The following KCNQ5 variants were observed in gnomAD, a reference collection of about 807,000 sequenced individuals.
The protein encoded by KCNQ5 is potassium voltage-gated channel subfamily KQT member 5.
A neutral mutation model predicts 98.2 loss-of-function variants in KCNQ5; 30 were observed. That is an observed-to-expected ratio of 0.31 (90% CI 0.23 to 0.41). The LOEUF (loss-of-function observed/expected upper bound fraction) is 0.41, where lower values mean the gene tolerates loss of function less well. KCNQ5 is among the 10% of genes least tolerant of loss of function. The pLI is 1.00. For missense variants in KCNQ5, 835 were observed against 1,182.5 expected, an observed-to-expected ratio of 0.71 and a Z score of 4.31; for synonymous variants, 458 against 449.4, an observed-to-expected ratio of 1.02 and a Z score of -0.24.
At chr6:72,796,717 A>T (rs1167824610) in intron 1 of KCNQ5, among the ~76,000 whole-genome samples, 1 of 152,250 alleles carries the variant, frequency 6.6e-6, no homozygotes, top group Non-Finnish European at 1.5e-5. Flanking sequence ...AATGATAGGA[A>T]TCTTTGCTGA....
intron 1 of KCNQ5, among the ~76,000 whole-genome samples, chr6:72,865,455 C>T (rs1047984192): frequency 6.6e-6 from 1 of 152,114 alleles, no homozygotes; most frequent in African/African-American, 2.4e-5. Flanking sequence ...AATATCGAAC[C>T]TATCTCAGGT....
chr6:72,864,573 A>G (rs1298395497), intron 1 of KCNQ5, among the ~76,000 whole-genome samples: 1 of 152,184 alleles, frequency 6.6e-6, no homozygotes, highest in African/African-American at 2.4e-5. Context: ...AAATGTTAGC[A>G]GTAGCCAAAG....
chr6:72,757,209 C>A (rs546363551), intron 1 of KCNQ5, among the ~76,000 whole-genome samples: 1 of 152,114 alleles, frequency 6.6e-6, no homozygotes, highest in South Asian at 2.1e-4. Flanking sequence ...ATATGTTAGA[C>A]CTTTAAGAAA....
chr6:72,720,945 T>A (rs1769923420), intron 1 of KCNQ5, among the ~76,000 whole-genome samples: 1 of 152,242 alleles, frequency 6.6e-6, no homozygotes, highest in Non-Finnish European at 1.5e-5. Context: ...TTTTGAGTAG[T>A]TAGTCTCCTG....
At chr6:72,921,678 C>A (rs145089433) in intron 1 of KCNQ5, among the ~76,000 whole-genome samples, 1 of 152,238 alleles carries the variant, frequency 6.6e-6, no homozygotes, top group African/African-American at 2.4e-5. Flanking sequence ...TCAGCTAAAC[C>A]ATTTTAAGTT....
intron 1 of KCNQ5, among the ~76,000 whole-genome samples, chr6:72,913,679 CA>C (rs1181704200): frequency 6.6e-6 from 1 of 152,166 alleles, no homozygotes; most frequent in South Asian, 2.1e-4. Flanking sequence ...ACATTTTAAA[CA>C]GTGTAGGGGA....
At chr6:72,767,037 G>A (rs991454901) in intron 1 of KCNQ5, among the ~76,000 whole-genome samples, 1 of 151,902 alleles carries the variant, frequency 6.6e-6, no homozygotes, top group African/African-American at 2.4e-5. Context: ...CTTGCTGATG[G>A]GTCAGGGTAA....
chr6:72,911,556 C>A (rs561534314), intron 1 of KCNQ5, among the ~76,000 whole-genome samples: 1 of 152,134 alleles, frequency 6.6e-6, no homozygotes, highest in East Asian at 1.9e-4. Context: ...TGGGAAGGGG[C>A]TGAGTAGTAA....
At chr6:73,104,837 A>T (rs928437070) in intron 5 of KCNQ5, among the ~76,000 whole-genome samples, 2 of 152,208 alleles carry the variant, frequency 1.3e-5, no homozygotes, top group South Asian at 4.1e-4. Context: ...TTGTTCCACT[A>T]CAAATCTTAA....
chr6:72,988,777 G>A (rs1207345260), intron 1 of KCNQ5, among the ~76,000 whole-genome samples: 7 of 108,550 alleles, frequency 6.4e-5, no homozygotes, highest in Non-Finnish European at 1.3e-4. Flanking sequence ...CTAGCATTAG[G>A]TATATCTCCC....
chr6:72,995,142 G>C (rs1769225037), intron 1 of KCNQ5, among the ~76,000 whole-genome samples: 1 of 152,214 alleles, frequency 6.6e-6, no homozygotes, highest in African/African-American at 2.4e-5. Context: ...GCCAAGGCGA[G>C]TGGATCACTT....
At chr6:73,025,386 C>T (rs1481028359) in intron 2 of KCNQ5, among the ~76,000 whole-genome samples, 1 of 152,116 alleles carries the variant, frequency 6.6e-6, no homozygotes, top group South Asian at 2.1e-4. Context: ...CTTTGGGAGG[C>T]TGAGGTGGGC....
intron 1 of KCNQ5, among the ~76,000 whole-genome samples, chr6:72,634,026 T>C (rs925043217): frequency 6.6e-6 from 1 of 152,174 alleles, no homozygotes; most frequent in East Asian, 1.9e-4. Context: ...AAACCAAGAA[T>C]TGACAAGTGG....
At chr6:73,070,092 T>A (rs1407593527) in intron 3 of KCNQ5, among the ~76,000 whole-genome samples, 1 of 152,090 alleles carries the variant, frequency 6.6e-6, no homozygotes, top group Admixed American at 6.5e-5. Flanking sequence ...AAGAAGGAGA[T>A]GTTAATCCGT....
At chr6:72,675,001 G>C (rs1056953218) in intron 1 of KCNQ5, among the ~76,000 whole-genome samples, 2 of 152,246 alleles carry the variant, frequency 1.3e-5, no homozygotes, top group East Asian at 3.9e-4. Flanking sequence ...AGACTGCTTT[G>C]TAGAAAGTTA....
chr6:73,043,617 C>A (rs1771821124), intron 3 of KCNQ5, among the ~76,000 whole-genome samples: 1 of 152,140 alleles, frequency 6.6e-6, no homozygotes, highest in East Asian at 1.9e-4. Flanking sequence ...ATAAGGGGCC[C>A]AAACAAAACA....
intron 6 of KCNQ5, among the ~76,000 whole-genome samples, chr6:73,107,888 A>T (rs1222905959): frequency 6.6e-6 from 1 of 152,238 alleles, no homozygotes; most frequent in Non-Finnish European, 1.5e-5. Flanking sequence ...TTATTTATTA[A>T]ATGAAAGACT....
intron 1 of KCNQ5, among the ~76,000 whole-genome samples, chr6:72,820,538 A>G (rs4075241): frequency 0.029 from 4,427 of 151,994 alleles, 214 homozygotes; most frequent in African/African-American, 0.1. Flanking sequence ...ACGAATTCCA[A>G]AAAGTAGGTG....
intron 2 of KCNQ5, among the ~76,000 whole-genome samples, chr6:73,020,271 A>G (rs1211647050): frequency 6.6e-6 from 1 of 152,122 alleles, no homozygotes; most frequent in Non-Finnish European, 1.5e-5. Flanking sequence ...CCAATCAACT[A>G]TAGATCAGCG....
Sources: allele counts gnomAD v4.1 joint callset (sites outside exome capture counted in the v4.1 genomes callset), GRCh38; gene constraint gnomAD v4.1.1; transcripts MANE v1.5; gene names NCBI Gene and HGNC (gene_info 2026-07-23, HGNC 2026-07-21).